The following APBB1 variants were observed in gnomAD, a reference collection of about 807,000 sequenced individuals.
The protein encoded by APBB1 is adaptor protein FE65a2.
Under a neutral mutation model 78.4 loss-of-function variants are expected in APBB1, and 22 were observed. That is an observed-to-expected ratio of 0.28 (90% CI 0.20 to 0.40). The LOEUF (loss-of-function observed/expected upper bound fraction) is 0.40. Ranked by LOEUF, APBB1 falls within the 10% of genes least tolerant of loss-of-function variation. APBB1 has a pLI of 1.00. For synonymous variants in APBB1, 369 were observed against 372.7 expected (o/e 0.99, Z 0.12); for missense variants, 749 against 932.4 (o/e 0.80, Z 2.56).
rs1342959548 is a variant in APBB1, at chr11:6,402,629, G to A, written c.1201C>T (p.Leu401Phe). Residue 401 changes from leucine to phenylalanine, a missense_variant, in exon 7 of 15, where the codon CTC becomes TTC. Leu to Phe is a conservative substitution (Grantham distance 22, BLOSUM62 0). Transcript: ENST00000609360. ...SVAVNNCIRQ[L>F]SYHKNNLHDP... is the part of the protein sequence containing the mutation. ...TGCAGGTTGTTTTTGTGGTAAGAGA[G>A]CTGACGGATGCAATTGTTGACTGCC... The A allele has an allele frequency of 6.2e-7, 1 of 1,614,124 alleles. No homozygotes were observed. Among genetic ancestry groups the A allele is most frequent in the Non-Finnish European group, 8.5e-7 (1 of 1,180,034 alleles).
rs1848136562 is a variant in APBB1 at position 6,395,157 on chromosome 11, T to C, written c.*377A>G. The C allele has an allele frequency of 1.3e-5, 3 of 231,156 alleles. No individual in the cohort carries two copies. The highest frequency in any genetic ancestry group is 2.5e-5 in the Non-Finnish European group (3 of 117,842). 14.3% of individuals were successfully genotyped at this position (231,156 alleles called of 1,614,324 possible). Reference sequence around the variant, plus strand: ...AGACAGACTTTATTAGTGATATCAATACAGCAGAGGTGCCCATGGAGCAGG... The same window carrying C: ...AGACAGACTTTATTAGTGATATCAACACAGCAGAGGTGCCCATGGAGCAGG... On this transcript the variant is annotated 3_prime_UTR_variant, in exon 15 of 15. Transcript: ENST00000609360. This position sits in a 1 kb window ranked among gnomAD's most constrained non-coding sequence, Gnocchi z 5.2.
rs2134073634 is a variant in APBB1, at chr11:6,403,214, G to A, written c.1041-6C>T. 6.2e-7 allele frequency: 1 copy of A among 1,613,214 alleles called. No homozygotes were observed. The highest frequency in any genetic ancestry group is 8.5e-7 in the Non-Finnish European group (1 of 1,179,618). Reference sequence around the variant, plus strand: ...CTTGGGGCAACGGCTCTGGGCTGAAGGCAGATGGTAATACTTGGCACAGGG... The same window carrying A: ...CTTGGGGCAACGGCTCTGGGCTGAAAGCAGATGGTAATACTTGGCACAGGG... On this transcript the variant is annotated splice_region_variant and splice_polypyrimidine_tract_variant and intron_variant, in intron 5 of 14. Coordinates refer to ENST00000609360, the MANE Select transcript of APBB1 (RefSeq NM_001164.5). The surrounding 1 kb of genome is among the most constrained non-coding windows in gnomAD (Gnocchi z 5.3).
Position 6,410,691 on chromosome 11 carries a change from A to C in APBB1, c.657T>G (p.Asp219Glu). 6.5e-7 allele frequency: 1 copy of C among 1,527,660 alleles called. No homozygotes were observed. The allele number at this position is 1,527,660 out of a possible 1,614,324, so 94.6% of individuals were successfully genotyped here. ...ATAAGGTAGCCCAGCTTGAGTCCTC[A>C]TCACTGGCTGCACTGTTCCGCATGC... ...LFGMRNSAAS[D>E]EDSSWATLSQ... The change falls in exon 2 of 15, where the codon GAT becomes GAG. Residue 219 changes from aspartate to glutamate, a missense_variant. Coordinates refer to ENST00000609360, the MANE Select transcript of APBB1 (RefSeq NM_001164.5).
At chr11:6,398,185 A>C (rs907900747) in intron 12 of APBB1, among the ~76,000 whole-genome samples, 2 of 152,062 alleles carry the variant, frequency 1.3e-5, no homozygotes, top group African/African-American at 4.8e-5. Flanking sequence ...CTCCAGCCCC[A>C]CATGCAATCC....
Position 6,418,982 on chromosome 11 carries a change from T to G in APBB1, c.-15+3A>C. Reference sequence around the variant, plus strand: ...GCTGGGCCGGGGCAGGGACACCTCCTACCTGCGCGGTGAGGCCCCGGGCCC... The same window carrying G: ...GCTGGGCCGGGGCAGGGACACCTCCGACCTGCGCGGTGAGGCCCCGGGCCC... On this transcript the variant is annotated splice_donor_region_variant and intron_variant, in intron 1 of 14. Coordinates refer to ENST00000609360, the MANE Select transcript of APBB1 (RefSeq NM_001164.5). 2 of 390,022 alleles carry G rather than the reference T, an allele frequency of 5.1e-6. No individual in the cohort carries two copies. Among genetic ancestry groups the G allele is most frequent in the East Asian group, 3.6e-5 (1 of 27,448 alleles). The allele number at this position is 390,022 out of a possible 1,614,324, so 24.2% of individuals were successfully genotyped here. A position where few individuals can be genotyped will look rare whatever the true frequency, so the allele number is the denominator to read the frequency against.
At chr11:6,396,430 G>A (rs544827403) in intron 12 of APBB1, 1 of 531,344 alleles carries the variant, frequency 1.9e-6, no homozygotes, top group East Asian at 3.4e-5. Flanking sequence ...TTAAAATCTT[G>A]GATCCTAGGC....
At chr11:6,404,922 G>A (rs1448243123) in intron 2 of APBB1, 3 of 1,455,630 alleles carry the variant, frequency 2.1e-6, no homozygotes, top group Non-Finnish European at 2.7e-6. Flanking sequence ...TTCTCACCAG[G>A]GCAGAGCGTC....
Position 6,402,123 on chromosome 11 carries a change from G to A in APBB1, c.1341C>T (p.Ile447=), listed in dbSNP as rs140223376. Residue 447 remains isoleucine, a synonymous_variant, in exon 8 of 15, where the codon ATC becomes ATT. Transcript: ENST00000609360. ...CGACGCCCCACACGCGGATGCTGATGATGGGTTGGGCGTGCAGCAGTGCCT... is the reference window on the plus strand; with the variant it reads ...CGACGCCCCACACGCGGATGCTGATAATGGGTTGGGCGTGCAGCAGTGCCT... ...QSQALLHAQP[I]ISIRVWGVGR... is the part of the protein sequence containing the mutation. 1.2e-5 allele frequency: 19 copies of A among 1,614,034 alleles called. No individual in the cohort carries two copies. The African/African-American group carries it at 2.5e-4, about 22-fold the overall frequency.
At chr11:6,416,928 G>A (rs1381219679) in intron 1 of APBB1, among the ~76,000 whole-genome samples, 1 of 152,150 alleles carries the variant, frequency 6.6e-6, no homozygotes, top group East Asian at 1.9e-4. Context: ...ACTTTTAGTA[G>A]AGATGGGGTT....
chr11:6,400,563 C>A (rs960937399), intron 12 of APBB1, among the ~76,000 whole-genome samples: 10 of 140,450 alleles, frequency 7.1e-5, no homozygotes, highest in South Asian at 6.8e-4. Flanking sequence ...AAAAAAAATT[C>A]TTTGCAACAA....
chr11:6,401,724 C>T lies in APBB1; in HGVS notation c.1389-36G>A, dbSNP rs573648528. ...AGGGGCACCTCAGTGTCTCCCAGTA[C>T]CATCCAGTGCTGAGCCTGGTCCCCA... On this transcript the variant is annotated intron_variant, in intron 9 of 14. Transcript: ENST00000609360. This position sits in a 1 kb window ranked among gnomAD's most constrained non-coding sequence, Gnocchi z 4.5. 6.2e-7 allele frequency: 1 copy of T among 1,608,318 alleles called. No homozygotes were observed. Among genetic ancestry groups the T allele is most frequent in the Admixed American group, 1.7e-5 (1 of 60,006 alleles).
intron 12 of APBB1, among the ~76,000 whole-genome samples, chr11:6,399,450 T>G (rs1293454951): frequency 6.6e-6 from 1 of 152,196 alleles, no homozygotes; most frequent in Non-Finnish European, 1.5e-5. Flanking sequence ...GCCAGGAACT[T>G]AGGAGTCATC....
intron 2 of APBB1, chr11:6,404,828 C>T (rs1021013964): frequency 2.2e-5 from 33 of 1,534,796 alleles, no homozygotes; most frequent in African/African-American, 2.7e-5. Flanking sequence ...CTGCCTCCAC[C>T]CTCCCTCCTC....
intron 1 of APBB1, among the ~76,000 whole-genome samples, chr11:6,415,098 G>A (rs1035396293): frequency 6.6e-6 from 1 of 152,176 alleles, no homozygotes; most frequent in Non-Finnish European, 1.5e-5. Flanking sequence ...CCCACTGCTC[G>A]AGGTCAAAAA....
At position 6,396,137 on chromosome 11, in the gene APBB1, C is replaced by G; in HGVS notation, c.1751G>C (p.Ser584Thr). Residue 584 changes from serine to threonine, a missense_variant, in exon 13 of 15, where the codon AGT (serine) becomes ACT (threonine). Transcript: ENST00000609360. Reference protein sequence around the residue: ...SREQWTPSHVSVAPATLTILH... With the variant: ...SREQWTPSHVTVAPATLTILH... The stretch of plus-strand genomic sequence containing the variant: ...GATGGTGAGGGTAGCAGGGGCCACA[C>G]TGACATGACTTGGGGTCCATTGTTC... The G allele has an allele frequency of 6.4e-7, 1 of 1,554,646 alleles. No homozygotes were observed.
In APBB1 at chr11:6,404,698, C is replaced by T. The variant is rs1013317791; in HGVS notation, c.722-876G>A. The stretch of plus-strand genomic sequence containing the variant: ...CATGCGTCCTCTAACTCTTCTCTCC[C>T]TGTCAGCCCCACCCCACATGAGGCC... On this transcript the variant is annotated intron_variant, in intron 2 of 14. Coordinates refer to ENST00000609360, the MANE Select transcript of APBB1 (RefSeq NM_001164.5). 2.0e-6 allele frequency: 3 copies of T among 1,535,888 alleles called. No individual in the cohort carries two copies. The African/African-American group carries it at 4.1e-5, about 21-fold the overall frequency.
At chr11:6,415,406 T>C (rs1849093832) in intron 1 of APBB1, among the ~76,000 whole-genome samples, 1 of 152,230 alleles carries the variant, frequency 6.6e-6, no homozygotes, top group African/African-American at 2.4e-5. Flanking sequence ...GAAATGGTTC[T>C]TCCTCTGGAG....
At chr11:6,405,321 G>A (rs902621252) in intron 2 of APBB1, 3 of 987,482 alleles carry the variant, frequency 3.0e-6, no homozygotes, top group Non-Finnish European at 3.6e-6. Context: ...TGGGCTTTGA[G>A]GTCCTGAGCC....
chr11:6,413,010 C>T (rs1849015144), intron 1 of APBB1, among the ~76,000 whole-genome samples: 1 of 152,094 alleles, frequency 6.6e-6, no homozygotes, highest in Non-Finnish European at 1.5e-5. Context: ...CCCAGGGACC[C>T]ACCCTCGGCC....
Sources: gnomAD v4.1 joint callset for allele counts (sites outside exome capture counted in the v4.1 genomes callset) on GRCh38, gnomAD v4.1.1 for gene constraint, Gnocchi (gnomAD v3.1) non-coding constraint, MANE v1.5 for transcripts, NCBI Gene and HGNC (gene_info 2026-07-23, HGNC 2026-07-21) for gene names.